TMEM266: variants seen among roughly 807,000 people sequenced by gnomAD.
TMEM266 encodes Hv1 related protein 1.
Under a neutral mutation model 50.5 loss-of-function variants are expected in TMEM266, and 33 were observed. The observed-to-expected ratio is 0.65, with a 90% CI of 0.50 to 0.87. The LOEUF (loss-of-function observed/expected upper bound fraction) is 0.87, where lower values mean the gene tolerates loss of function less well. Ranked by LOEUF, TMEM266 falls within the 40% of genes least tolerant of loss-of-function variation. TMEM266 has a pLI of 0.00. For missense variants in TMEM266, 655 were observed against 695.1 expected, an observed-to-expected ratio of 0.94 and a Z score of 0.65; for synonymous variants, 310 against 292.3, an observed-to-expected ratio of 1.06 and a Z score of -0.62.
chr15:76,201,045 G>T (rs1346983355), intron 9 of TMEM266, among the ~76,000 whole-genome samples: 1 of 152,088 alleles, frequency 6.6e-6, no homozygotes. Context: ...GAAGCTCCTG[G>T]GGGTGCAGAC....
chr15:76,175,709 C>A, intron 8 of TMEM266, 35 bp downstream of exon 8: 1 of 1,548,824 alleles, frequency 6.5e-7, no homozygotes, highest in Non-Finnish European at 8.9e-7. Context: ...TGTCCGTGGT[C>A]TTGCTGGGGA....
rs1596176445 is a variant in TMEM266, at chr15:76,202,257, C to T, written c.1014C>T (p.Pro338=). The stretch of plus-strand genomic sequence containing the variant: ...ACATCAGTCAGTATTACAATGGGCC[C>T]AGCAGTGGTAAGTCTGGGTTGGGGC... The change falls in exon 10 of 11, where the codon CCC becomes CCT. Residue 338 remains proline (P), a synonymous_variant. Coordinates refer to ENST00000388942, the MANE Select transcript of TMEM266 (RefSeq NM_152335.3). 1.2e-6 allele frequency: 2 copies of T among 1,613,640 alleles called. No homozygotes were observed. Among genetic ancestry groups the T allele is most frequent in the East Asian group, 2.2e-5 (1 of 44,862 alleles).
chr15:76,201,687 A>C (rs182081335), intron 9 of TMEM266, among the ~76,000 whole-genome samples: 93 of 152,112 alleles, frequency 6.1e-4, no homozygotes, highest in South Asian at 1.0e-3. Flanking sequence ...CCACCTCCCC[A>C]GGTCTGTTCC....
chr15:76,145,078 C>A (rs2037736751), intron 3 of TMEM266, among the ~76,000 whole-genome samples: 1 of 152,188 alleles, frequency 6.6e-6, no homozygotes, highest in Non-Finnish European at 1.5e-5. Flanking sequence ...GAGTCCAGGG[C>A]AAGGGTGGCT....
At chr15:76,104,205 C>A (rs1319536730) in intron 1 of TMEM266, among the ~76,000 whole-genome samples, 51 of 147,220 alleles carry the variant, frequency 3.5e-4, no homozygotes, top group Non-Finnish European at 4.6e-4. Flanking sequence ...GATTCTGTCT[C>A]AAAAAAAAAA....
chr15:76,150,033 T>C (rs1407639554), intron 3 of TMEM266, among the ~76,000 whole-genome samples: 1 of 152,220 alleles, frequency 6.6e-6, no homozygotes, highest in Non-Finnish European at 1.5e-5. Flanking sequence ...ATCATAGAAC[T>C]GGCACGAGTG....
chr15:76,108,543 G>A (rs2037120933), intron 1 of TMEM266, among the ~76,000 whole-genome samples: 1 of 152,198 alleles, frequency 6.6e-6, no homozygotes, highest in African/African-American at 2.4e-5. Context: ...GCTCCCAGGT[G>A]ATGCCAGTGC....
At chr15:76,134,080 A>G in intron 1 of TMEM266, 88 bp from the exon 2 acceptor site, 1 of 541,486 alleles carries the variant, frequency 1.8e-6, no homozygotes, top group Non-Finnish European at 3.3e-6. Context: ...TAGATGGAAG[A>G]AAGTTCTAAG....
intron 8 of TMEM266, 67 bp from the exon 9 acceptor site, chr15:76,191,901 G>T: frequency 7.0e-7 from 1 of 1,425,476 alleles, no homozygotes; most frequent in South Asian, 1.4e-5. Flanking sequence ...AAAGCGCCCA[G>T]AGGTCAGGCT....
At chr15:76,191,866 C>T in intron 8 of TMEM266, 102 bp from the exon 9 acceptor site, 1 of 1,123,534 alleles carries the variant, frequency 8.9e-7, no homozygotes, top group Non-Finnish European at 1.2e-6. Context: ...GCCCAGTCCT[C>T]CCCACCCCGC....
At chr15:76,082,136 T>C (rs1398539340) in intron 1 of TMEM266, among the ~76,000 whole-genome samples, 1 of 152,212 alleles carries the variant, frequency 6.6e-6, no homozygotes, top group Admixed American at 6.5e-5. Flanking sequence ...CACAACCCTG[T>C]AGCCTGCTCA....
At chr15:76,151,076 A>G (rs1378477009) in intron 3 of TMEM266, among the ~76,000 whole-genome samples, 1 of 152,064 alleles carries the variant, frequency 6.6e-6, no homozygotes, top group African/African-American at 2.4e-5. Flanking sequence ...GGGCCCCTGG[A>G]GCTGTACCCT....
intron 1 of TMEM266, among the ~76,000 whole-genome samples, chr15:76,099,429 A>C (rs2036966952): frequency 6.6e-6 from 1 of 152,216 alleles, no homozygotes; most frequent in Admixed American, 6.5e-5. Flanking sequence ...AGTCCCAGTG[A>C]GATGAACCGG....
At chr15:76,114,163 T>C (rs1218763018) in intron 1 of TMEM266, 4 of 152,220 alleles carry the variant, frequency 2.6e-5, no homozygotes, top group Non-Finnish European at 5.9e-5. Flanking sequence ...AAAATATAAA[T>C]TGTAATCCCA....
chr15:76,140,353 T>G (rs2037659011), intron 3 of TMEM266, among the ~76,000 whole-genome samples: 2 of 152,236 alleles, frequency 1.3e-5, no homozygotes, highest in South Asian at 4.1e-4. Flanking sequence ...GCTTCTTGGC[T>G]CTTGCTGCAT....
intron 1 of TMEM266, among the ~76,000 whole-genome samples, chr15:76,110,947 T>C (rs1030017560): frequency 6.6e-6 from 1 of 152,214 alleles, no homozygotes; most frequent in African/African-American, 2.4e-5. Context: ...TATTACACCC[T>C]TGTTAGAATG....
intron 1 of TMEM266, among the ~76,000 whole-genome samples, chr15:76,093,600 A>G (rs1460750745): frequency 6.6e-6 from 1 of 152,106 alleles, no homozygotes; most frequent in Non-Finnish European, 1.5e-5. Context: ...TTATAGTAGC[A>G]TGATTTATAA....
In TMEM266 at chr15:76,204,444, C is replaced by T. The variant is rs1185754489; in HGVS notation, c.*129C>T. 3.4e-6 allele frequency: 3 copies of T among 891,486 alleles called. No individual in the cohort carries two copies. The highest frequency in any genetic ancestry group is 3.4e-5 in the African/African-American group (2 of 59,552). The allele number at this position is 891,486 out of a possible 1,614,324, so 55.2% of individuals were successfully genotyped here. On this transcript the variant is annotated 3_prime_UTR_variant, in exon 11 of 11. Coordinates refer to ENST00000388942, the MANE Select transcript of TMEM266 (RefSeq NM_152335.3). ...TGGCCTCCCTCAGGGTGCTGCCTGC[C>T]TCCAGGGAGGCGACGCCAGGCCAGG...
At chr15:76,165,415 C>G (rs2038079732) in intron 5 of TMEM266, among the ~76,000 whole-genome samples, 2 of 152,228 alleles carry the variant, frequency 1.3e-5, no homozygotes, top group African/African-American at 2.4e-5. Context: ...ATGGCACCAT[C>G]CTTGAGTGTT....
Sources: gnomAD v4.1 joint callset for allele counts (sites outside exome capture counted in the v4.1 genomes callset) on GRCh38, gnomAD v4.1.1 for gene constraint, MANE v1.5 for transcripts, NCBI Gene and HGNC (gene_info 2026-07-23, HGNC 2026-07-21) for gene names.